ZBTB8OS: variants seen among roughly 807,000 people sequenced by gnomAD.
The protein encoded by ZBTB8OS is tRNA-splicing ligase-activating factor archease.
In ZBTB8OS, 16 loss-of-function variants were observed where a neutral mutation model predicts 29.3. That is an observed-to-expected ratio of 0.55 (90% CI 0.37 to 0.83). The LOEUF (loss-of-function observed/expected upper bound fraction) is 0.83, where lower values mean the gene tolerates loss of function less well. Among genes scored for constraint, ZBTB8OS ranks in the 40% least tolerant of loss-of-function variants. ZBTB8OS has a pLI of 0.00. For synonymous variants in ZBTB8OS, 70 were observed against 64.6 expected (o/e 1.08, Z -0.40); for missense variants, 160 against 196.9 (o/e 0.81, Z 1.12).
At chr1:32,627,096 A>ACAAATCTT (rs1645182170) in intron 6 of ZBTB8OS, among the ~76,000 whole-genome samples, 1 of 152,192 alleles carries the variant, frequency 6.6e-6, no homozygotes, top group South Asian at 2.1e-4. Context: ...TTTTACAGAA[A>ACAAATCTT]AAAACTGCCA....
intron 6 of ZBTB8OS, among the ~76,000 whole-genome samples, chr1:32,623,490 C>G (rs1360043234): frequency 6.6e-6 from 1 of 152,164 alleles, no homozygotes; most frequent in African/African-American, 2.4e-5. Context: ...TCAGTAAGAA[C>G]TGACTCATTT....
intron 2 of ZBTB8OS, chr1:32,634,506 T>A: frequency 1.9e-6 from 1 of 532,172 alleles, no homozygotes. Context: ...ATTACAGGCG[T>A]TGAGCCACCA....
Position 32,620,928 on chromosome 1 carries a change from T to C in ZBTB8OS, c.*934A>G, listed in dbSNP as rs1644718291. On this transcript the variant is annotated 3_prime_UTR_variant, in exon 7 of 7. Transcript: ENST00000468695. ...CTTTGTAAGGCATAGTATTGACTTT[T>C]TCTTATGAGAAAACAGGAAATATCA... The C allele has an allele frequency of 6.6e-6, 1 of 152,260 alleles. No homozygotes were observed. Among genetic ancestry groups the C allele is most frequent in the South Asian group, 2.1e-4 (1 of 4,838 alleles). 9.4% of individuals were successfully genotyped at this position (152,260 alleles called of 1,614,324 possible). A position where few individuals can be genotyped will look rare whatever the true frequency, so the allele number is the denominator to read the frequency against.
upstream of ZBTB8OS, chr1:32,650,605 A>C: frequency 6.3e-7 from 1 of 1,598,710 alleles, no homozygotes; most frequent in Non-Finnish European, 8.5e-7. Context: ...TCCGCTCTAG[A>C]CTCCGCCCCT....
At position 32,621,964 on chromosome 1, in the gene ZBTB8OS, GAGA is replaced by G; in HGVS notation, c.418-19_418-17del. 3.9e-6 allele frequency: 4 copies of G among 1,022,914 alleles called. No homozygotes were observed. The highest frequency in any genetic ancestry group is 2.6e-6 in the Non-Finnish European group (2 of 762,576). The allele number at this position is 1,022,914 out of a possible 1,614,324, so 63.4% of individuals were successfully genotyped here. On this transcript the variant is annotated splice_polypyrimidine_tract_variant and intron_variant, in intron 6 of 6. Transcript: ENST00000468695. ...CTTCTGTTCCCTAAAGTTGGGGTTA[GAGA>G]AAAAAAAAAAAAAAAGGAAAATAGG...
chr1:32,630,885 C>A (rs1464800922), intron 5 of ZBTB8OS, among the ~76,000 whole-genome samples: 1 of 151,828 alleles, frequency 6.6e-6, no homozygotes, highest in Non-Finnish European at 1.5e-5. Context: ...TGGTAGCAGG[C>A]GCGTATAATC....
At chr1:32,627,574 G>T in intron 5 of ZBTB8OS, 30 bp from the exon 6 acceptor site, 2 of 1,602,896 alleles carry the variant, frequency 1.2e-6, no homozygotes, top group South Asian at 1.1e-5. Flanking sequence ...ACATGATTAA[G>T]ATTTGTTCTC....
chr1:32,650,166 T>C (rs1056367402), intron 1 of ZBTB8OS, among the ~76,000 whole-genome samples: 3 of 152,146 alleles, frequency 2.0e-5, no homozygotes, highest in Non-Finnish European at 2.9e-5. Context: ...CTTTAGAATT[T>C]ACGAAGATAA....
At chr1:32,625,271 C>T (rs915742288) in intron 6 of ZBTB8OS, among the ~76,000 whole-genome samples, 4 of 149,918 alleles carry the variant, frequency 2.7e-5, no homozygotes, top group African/African-American at 4.9e-5. Flanking sequence ...TGGCTGGGCG[C>T]GATGGCTCAC....
At chr1:32,623,228 C>T (rs1422436157) in intron 6 of ZBTB8OS, among the ~76,000 whole-genome samples, 3 of 152,210 alleles carry the variant, frequency 2.0e-5, no homozygotes, top group Non-Finnish European at 4.4e-5. Flanking sequence ...CCACAATCAC[C>T]TGGCAAAACC....
intron 2 of ZBTB8OS, 54 bp downstream of exon 2, chr1:32,634,714 A>T: frequency 6.2e-7 from 1 of 1,609,840 alleles, no homozygotes; most frequent in East Asian, 2.2e-5. Flanking sequence ...AGATTGAAAC[A>T]TTCAGTCTTC....
intron 1 of ZBTB8OS, among the ~76,000 whole-genome samples, chr1:32,646,138 G>A (rs1646809838): frequency 6.6e-6 from 1 of 151,974 alleles, no homozygotes; most frequent in South Asian, 2.1e-4. Context: ...TGGCCAACAT[G>A]GTGAAACTCC....
Position 32,634,420 on chromosome 1 carries a change from T to A in ZBTB8OS, c.122+348A>T, listed in dbSNP as rs1570580826. On this transcript the variant is annotated intron_variant, in intron 2 of 6. Coordinates refer to ENST00000468695, the MANE Select transcript of ZBTB8OS (RefSeq NM_178547.5). ...TTTTGTATTTTTAGTAGAGACGGGGTTTTACCATGTTGGTCAGGCTGGTCT... is the reference window on the plus strand; with the variant it reads ...TTTTGTATTTTTAGTAGAGACGGGGATTTACCATGTTGGTCAGGCTGGTCT... 3 of 333,812 alleles carry A rather than the reference T, an allele frequency of 9.0e-6. No homozygotes were observed. In the Admixed American group the frequency reaches 1.3e-4, roughly 15 times the overall value. 20.7% of individuals were successfully genotyped at this position (333,812 alleles called of 1,614,324 possible). A position where few individuals can be genotyped will look rare whatever the true frequency, so the allele number is the denominator to read the frequency against.
intron 1 of ZBTB8OS, among the ~76,000 whole-genome samples, chr1:32,649,941 G>C (rs1647195588): frequency 6.6e-6 from 1 of 152,092 alleles, no homozygotes; most frequent in South Asian, 2.1e-4. Flanking sequence ...TGGGATCACA[G>C]GCCTCAGCCA....
At chr1:32,643,098 T>C (rs982693388) in intron 1 of ZBTB8OS, among the ~76,000 whole-genome samples, 3 of 138,488 alleles carry the variant, frequency 2.2e-5, no homozygotes, top group Non-Finnish European at 4.7e-5. Context: ...GAGATAGAGT[T>C]TCGCTCTTGT....
chr1:32,638,213 T>C (rs921361705), intron 1 of ZBTB8OS, among the ~76,000 whole-genome samples: 19 of 151,384 alleles, frequency 1.3e-4, no homozygotes, highest in African/African-American at 4.6e-4. Context: ...TTCTCAAATT[T>C]TGGAGTCTCC....
chr1:32,634,300 C>T (rs778291736), intron 2 of ZBTB8OS: 7 of 335,902 alleles, frequency 2.1e-5, no homozygotes, highest in South Asian at 1.8e-4. Flanking sequence ...GATCTCGGGT[C>T]ACTGCAACCT....
chr1:32,625,286 C>G (rs1645039453), intron 6 of ZBTB8OS, among the ~76,000 whole-genome samples: 1 of 150,098 alleles, frequency 6.7e-6, no homozygotes, highest in Non-Finnish European at 1.5e-5. Flanking sequence ...GCTCACGCCT[C>G]TTTTGGGAGG....
intron 5 of ZBTB8OS, 76 bp from the exon 6 acceptor site, chr1:32,627,620 G>C: frequency 1.4e-6 from 2 of 1,436,488 alleles, no homozygotes; most frequent in South Asian, 2.4e-5. Flanking sequence ...TGTAAATGTG[G>C]TTAACATGCT....
Sources: allele counts gnomAD v4.1 joint callset (sites outside exome capture counted in the v4.1 genomes callset), GRCh38; gene constraint gnomAD v4.1.1; transcripts MANE v1.5; gene names NCBI Gene and HGNC (gene_info 2026-07-23, HGNC 2026-07-21).